Variants in TUNAR observed in about 807,000 individuals in gnomAD.
TUNAR encodes transmembrane neural differentiation associated intracellular calcium regulator, also known as protein TUNAR.
intron 2 of TUNAR, among the ~76,000 whole-genome samples, chr14:95,884,912 T>C (rs1292562174): frequency 1.3e-5 from 2 of 152,152 alleles, no homozygotes; most frequent in South Asian, 2.1e-4. Context: ...ATAGTTGCTC[T>C]GGCCTGTGTA....
chr14:95,911,224 G>A lies in TUNAR; in HGVS notation c.13-11557G>A, dbSNP rs181009529. On this transcript the variant is annotated intron_variant, in intron 2 of 2. Transcript: ENST00000678517. ...CCAGCCCTACTCGATGTAGCATTCC[G>A]CACTTCCACATTTTCTTCACATCTG... Among the ~76,000 whole-genome samples, 41 of 152,184 alleles carry A rather than the reference G, an allele frequency of 2.7e-4. No homozygotes were observed. In the East Asian group the frequency reaches 4.1e-3, roughly 15 times the overall value.
At chr14:95,877,322 C>G (rs571967451) in intron 2 of TUNAR, 145 bp downstream of exon 1, 219 of 152,512 alleles carry the variant, frequency 1.4e-3, no homozygotes, top group African/African-American at 5.0e-3. Context: ...TCCCCTGCCC[C>G]GAAGCCCCGC....
chr14:95,913,083 G>A (rs913477945), intron 2 of TUNAR, among the ~76,000 whole-genome samples: 5 of 145,480 alleles, frequency 3.4e-5, no homozygotes, highest in African/African-American at 1.4e-4. Context: ...GAGCCACCGC[G>A]CCTAGCCGGG....
chr14:95,911,100 C>A (rs748007662), intron 2 of TUNAR, among the ~76,000 whole-genome samples: 1 of 152,194 alleles, frequency 6.6e-6, no homozygotes, highest in Non-Finnish European at 1.5e-5. Context: ...TGAATAAATT[C>A]CACAGGTGCC....
At chr14:95,898,105 C>G (rs962452869) in intron 2 of TUNAR, among the ~76,000 whole-genome samples, 1 of 152,134 alleles carries the variant, frequency 6.6e-6, no homozygotes, top group Non-Finnish European at 1.5e-5. Flanking sequence ...AAGTTACCTC[C>G]TAAGAAAAGG....
At chr14:95,883,745 C>A (rs1440696288) in intron 2 of TUNAR, among the ~76,000 whole-genome samples, 2 of 152,198 alleles carry the variant, frequency 1.3e-5, no homozygotes, top group African/African-American at 2.4e-5. Flanking sequence ...CACTCTGACC[C>A]TTCACTGGTT....
chr14:95,904,137 A>G (rs1256702665), intron 2 of TUNAR, among the ~76,000 whole-genome samples: 1 of 152,184 alleles, frequency 6.6e-6, no homozygotes, highest in Non-Finnish European at 1.5e-5. Flanking sequence ...AGTATGTAAT[A>G]GTTCACTCCC....
At chr14:95,899,553 G>A (rs1444636282) in intron 2 of TUNAR, among the ~76,000 whole-genome samples, 2 of 152,196 alleles carry the variant, frequency 1.3e-5, no homozygotes, top group Non-Finnish European at 2.9e-5. Flanking sequence ...CATAAATTGA[G>A]TGGCTTCTAA....
intron 2 of TUNAR, among the ~76,000 whole-genome samples, chr14:95,918,609 GAGA>G (rs1889643417): frequency 6.6e-6 from 1 of 152,196 alleles, no homozygotes; most frequent in African/African-American, 2.4e-5. Flanking sequence ...CTGTGAGTCG[GAGA>G]AGGTCTCTTC....
chr14:95,889,837 C>T (rs917880310), intron 2 of TUNAR, among the ~76,000 whole-genome samples: 1 of 152,072 alleles, frequency 6.6e-6, no homozygotes, highest in Non-Finnish European at 1.5e-5. Context: ...GTCTGACACC[C>T]CAGCCAGCCC....
intron 2 of TUNAR, among the ~76,000 whole-genome samples, chr14:95,884,667 GC>G (rs1889044005): frequency 6.6e-6 from 1 of 152,180 alleles, no homozygotes; most frequent in South Asian, 2.1e-4. Flanking sequence ...GATATAGACT[GC>G]AACCCTCTTG....
At chr14:95,918,992 C>G (rs1889650346) in intron 2 of TUNAR, among the ~76,000 whole-genome samples, 1 of 152,176 alleles carries the variant, frequency 6.6e-6, no homozygotes, top group Non-Finnish European at 1.5e-5. Context: ...AAAAGTCCTT[C>G]CTCCAAGGGC....
At chr14:95,914,152 C>A (rs927194768) in intron 2 of TUNAR, among the ~76,000 whole-genome samples, 42 of 152,312 alleles carry the variant, frequency 2.8e-4, no homozygotes, top group African/African-American at 9.4e-4. Context: ...GAAACCTAGT[C>A]AAAAACTGGA....
At position 95,882,560 on chromosome 14, in the gene TUNAR, G is replaced by A. The variant is rs1267033986; in HGVS notation, c.12+5383G>A. On this transcript the variant is annotated intron_variant, in intron 2 of 2. Transcript: ENST00000678517. ...TCGCCTTCCTAAGTCCTTCGTGGTGGCTAAGAGAGGCTAGGCTAAATGCCT... is the reference window on the plus strand; with the variant it reads ...TCGCCTTCCTAAGTCCTTCGTGGTGACTAAGAGAGGCTAGGCTAAATGCCT... 2.0e-5 allele frequency among the ~76,000 whole-genome samples: 3 copies of A among 152,206 alleles called. No homozygotes were observed. In the East Asian group the frequency reaches 5.8e-4, roughly 29 times the overall value.
chr14:95,887,774 G>A (rs1347156023), intron 2 of TUNAR, among the ~76,000 whole-genome samples: 2 of 152,180 alleles, frequency 1.3e-5, no homozygotes, highest in African/African-American at 4.8e-5. Flanking sequence ...CTATCCTCAT[G>A]GGTTGGGGAC....
chr14:95,920,392 A>G (rs537760968), intron 2 of TUNAR, among the ~76,000 whole-genome samples: 1 of 152,338 alleles, frequency 6.6e-6, no homozygotes, highest in Non-Finnish European at 1.5e-5. Flanking sequence ...CTGTATGTTT[A>G]CTATACATCA....
At chr14:95,906,738 G>T (rs551958792) in intron 2 of TUNAR, among the ~76,000 whole-genome samples, 1 of 152,028 alleles carries the variant, frequency 6.6e-6, no homozygotes, top group African/African-American at 2.4e-5. Flanking sequence ...GTTTCCTTCC[G>T]GTCTTGGTAG....
intron 2 of TUNAR, among the ~76,000 whole-genome samples, chr14:95,878,260 C>T (rs1689363058): frequency 2.0e-5 from 3 of 152,164 alleles, no homozygotes; most frequent in South Asian, 4.1e-4. Flanking sequence ...TCTGGCTTGC[C>T]GCTGTTAGCT....
intron 2 of TUNAR, among the ~76,000 whole-genome samples, chr14:95,894,067 G>A (rs1889221393): frequency 6.6e-6 from 1 of 152,242 alleles, no homozygotes; most frequent in Non-Finnish European, 1.5e-5. Context: ...AGGGAAACTG[G>A]CAGATTTCCA....
Sources: gnomAD v4.1 joint callset for allele counts (sites outside exome capture counted in the v4.1 genomes callset) on GRCh38, gnomAD v4.1.1 for gene constraint, MANE v1.5 for transcripts, NCBI Gene and HGNC (gene_info 2026-07-23, HGNC 2026-07-21) for gene names.